DCDC1: variants seen among roughly 807,000 people sequenced by gnomAD.
DCDC1 encodes the protein doublecortin domain containing 1.
A neutral mutation model predicts 178.3 loss-of-function variants in DCDC1; 200 were observed. The ratio of observed to expected loss-of-function variants is 1.12; its 90% CI spans 1.00 to 1.26. The LOEUF (loss-of-function observed/expected upper bound fraction) is 1.26. Among genes scored for constraint, DCDC1 ranks in the 50% most tolerant of loss-of-function variants. The pLI, the probability that DCDC1 is intolerant of heterozygous loss-of-function variation, is 0.00. For missense variants in DCDC1, 1,983 were observed against 1,749.2 expected, an observed-to-expected ratio of 1.13 and a Z score of -2.38; for synonymous variants, 690 against 604.8, an observed-to-expected ratio of 1.14 and a Z score of -2.07.
intron 9 of DCDC1, among the ~76,000 whole-genome samples, chr11:31,171,160 C>CTA (rs1372764772): frequency 6.6e-6 from 1 of 152,082 alleles, no homozygotes; most frequent in Non-Finnish European, 1.5e-5. Flanking sequence ...CAGTTCTATA[C>CTA]CAGAATCCTT....
chr11:31,310,919 G>T (rs189236085), intron 3 of DCDC1, among the ~76,000 whole-genome samples: 52 of 152,228 alleles, frequency 3.4e-4, no homozygotes, highest in African/African-American at 1.1e-3. Context: ...GGCCATTCAT[G>T]GCTGTCAAGG....
intron 2 of DCDC1, among the ~76,000 whole-genome samples, chr11:31,330,790 G>C (rs1949936789): frequency 1.3e-5 from 2 of 152,064 alleles, no homozygotes; most frequent in Non-Finnish European, 2.9e-5. Flanking sequence ...ATGCTGTTTT[G>C]GTTACTGTAG....
chr11:31,288,622 T>C (rs868863366), intron 7 of DCDC1, among the ~76,000 whole-genome samples: 2 of 151,924 alleles, frequency 1.3e-5, no homozygotes, highest in African/African-American at 4.8e-5. Flanking sequence ...ACCTTCACCA[T>C]ATTAGAATCC....
chr11:31,116,637 C>A (rs1376535949), intron 11 of DCDC1, among the ~76,000 whole-genome samples: 4 of 151,730 alleles, frequency 2.6e-5, no homozygotes, highest in African/African-American at 9.7e-5. Flanking sequence ...TAATGACAAA[C>A]CAAATATTAA....
At chr11:31,326,517 T>C (rs1459371970) in intron 3 of DCDC1, among the ~76,000 whole-genome samples, 1 of 152,200 alleles carries the variant, frequency 6.6e-6, no homozygotes, top group East Asian at 1.9e-4. Flanking sequence ...TTGGCATTTG[T>C]ATAAAGGAAC....
chr11:31,292,047 C>T (rs1464572674), intron 6 of DCDC1, among the ~76,000 whole-genome samples: 1 of 152,046 alleles, frequency 6.6e-6, no homozygotes. Context: ...GTTACCCACA[C>T]ACATACACAC....
At chr11:31,243,405 A>C (rs537826241) in intron 8 of DCDC1, among the ~76,000 whole-genome samples, 2 of 151,904 alleles carry the variant, frequency 1.3e-5, no homozygotes, top group South Asian at 4.1e-4. Context: ...ACATAAATAG[A>C]TATTAAGTTG....
intron 9 of DCDC1, among the ~76,000 whole-genome samples, chr11:31,180,583 C>T (rs945626086): frequency 2.0e-5 from 3 of 151,978 alleles, no homozygotes; most frequent in African/African-American, 4.8e-5. Flanking sequence ...TTGCCTCAGC[C>T]GGGAAGCACA....
chr11:31,359,326 T>C (rs1387487829), intron 1 of DCDC1, among the ~76,000 whole-genome samples: 3 of 150,206 alleles, frequency 2.0e-5, no homozygotes, highest in East Asian at 4.0e-4. Context: ...CGGTAAACTA[T>C]CGCAAGAACA....
chr11:30,893,117 G>C, intron 35 of DCDC1, 120 bp from the exon 36 acceptor site: 1 of 1,139,930 alleles, frequency 8.8e-7, no homozygotes, highest in East Asian at 2.6e-5. Flanking sequence ...AAAATTTTAG[G>C]AAGTAACTAT....
intron 8 of DCDC1, among the ~76,000 whole-genome samples, chr11:31,251,329 G>A (rs892797009): frequency 6.6e-6 from 1 of 152,148 alleles, no homozygotes; most frequent in Non-Finnish European, 1.5e-5. Context: ...ACATTTGGCT[G>A]AACATTATTC....
intron 1 of DCDC1, among the ~76,000 whole-genome samples, chr11:31,346,895 C>A (rs1950846320): frequency 6.6e-6 from 1 of 152,156 alleles, no homozygotes. Context: ...TTAAACAAAT[C>A]ATATGGAATT....
chr11:31,156,939 A>AAAATACTTC (rs1458029727), intron 9 of DCDC1, among the ~76,000 whole-genome samples: 26 of 152,230 alleles, frequency 1.7e-4, no homozygotes, highest in Non-Finnish European at 1.3e-4. Context: ...GTTTGCAAAT[A>AAAATACTTC]AAATACTTCA....
intron 9 of DCDC1, among the ~76,000 whole-genome samples, chr11:31,214,481 T>C (rs1267353876): frequency 6.6e-6 from 1 of 152,180 alleles, no homozygotes; most frequent in Non-Finnish European, 1.5e-5. Context: ...AGAGGAATTA[T>C]CAGTGGGCCT....
chr11:31,314,402 C>T (rs568544894), intron 3 of DCDC1: 3 of 152,292 alleles, frequency 2.0e-5, no homozygotes, highest in African/African-American at 7.2e-5. Flanking sequence ...TGAAGCACAA[C>T]AAACTACCAC....
At chr11:31,231,154 T>G (rs1349252484) in intron 9 of DCDC1, among the ~76,000 whole-genome samples, 1 of 151,952 alleles carries the variant, frequency 6.6e-6, no homozygotes, top group African/African-American at 2.4e-5. Flanking sequence ...GTAGAGATGG[T>G]GTCTCCCTAT....
chr11:31,343,465 C>T (rs548225033), intron 1 of DCDC1, among the ~76,000 whole-genome samples: 1 of 152,166 alleles, frequency 6.6e-6, no homozygotes, highest in East Asian at 1.9e-4. Context: ...CGCCACCATG[C>T]CTGGCTAATT....
intron 7 of DCDC1, among the ~76,000 whole-genome samples, chr11:31,286,376 T>C (rs1035144153): frequency 1.3e-5 from 2 of 152,034 alleles, no homozygotes; most frequent in Non-Finnish European, 2.9e-5. Context: ...ATATTATTCA[T>C]AGCATATATA....
intron 21 of DCDC1, among the ~76,000 whole-genome samples, chr11:30,947,277 T>C (rs1364073611): frequency 4.6e-5 from 7 of 152,186 alleles, no homozygotes; most frequent in African/African-American, 1.7e-4. Flanking sequence ...ATCAGATTTC[T>C]ATAAGGAACA....
Sources: allele counts gnomAD v4.1 joint callset (sites outside exome capture counted in the v4.1 genomes callset), GRCh38; gene constraint gnomAD v4.1.1; transcripts MANE v1.5; gene names NCBI Gene and HGNC (gene_info 2026-07-23, HGNC 2026-07-21).